Variants in KLRD1 observed in about 807,000 individuals in gnomAD.
KLRD1 encodes natural killer cells antigen CD94.
KLRD1 carries 21 observed loss-of-function variants against 22.6 expected under a neutral mutation model. That is an observed-to-expected ratio of 0.93 (90% CI 0.66 to 1.34). The LOEUF (loss-of-function observed/expected upper bound fraction) is 1.34, where lower values mean the gene tolerates loss of function less well. KLRD1 is among the 40% of genes most tolerant of loss of function. The pLI is 0.00. For synonymous variants in KLRD1, 59 were observed against 71.1 expected (o/e 0.83, Z 0.85); for missense variants, 183 against 208.6 (o/e 0.88, Z 0.76).
intron 1 of KLRD1, among the ~76,000 whole-genome samples, chr12:10,286,661 G>GTTTTTTT (rs1565459881): frequency 2.0e-5 from 1 of 49,338 alleles, no homozygotes. Context: ...CGCTTATGGT[G>GTTTTTTT]CTTTTTTTTT....
chr12:10,273,807 G>A (rs1010050314), intron 1 of KLRD1, among the ~76,000 whole-genome samples: 6 of 151,980 alleles, frequency 3.9e-5, no homozygotes, highest in Admixed American at 6.6e-5. Flanking sequence ...AGAAAAATAC[G>A]TACATTCAAA....
At chr12:10,254,172 T>A (rs1435167811) in intron 1 of KLRD1, among the ~76,000 whole-genome samples, 1 of 152,120 alleles carries the variant, frequency 6.6e-6, no homozygotes, top group Non-Finnish European at 1.5e-5. Flanking sequence ...CTCACGCCTG[T>A]AATCCCAGCA....
intron 1 of KLRD1, among the ~76,000 whole-genome samples, chr12:10,243,010 A>G (rs1949255382): frequency 6.6e-6 from 1 of 152,170 alleles, no homozygotes; most frequent in Admixed American, 6.6e-5. Flanking sequence ...GCATTATGGT[A>G]AGTGAAATAA....
intron 1 of KLRD1, among the ~76,000 whole-genome samples, chr12:10,282,350 G>A (rs1281979254): frequency 2.0e-5 from 3 of 150,890 alleles, no homozygotes; most frequent in East Asian, 2.0e-4. Context: ...TCCGCCTCCC[G>A]GCTTCAAGTG....
chr12:10,319,257 C>T lies in KLRD1; in HGVS notation c.*4464C>T, dbSNP rs1266269707. On this transcript the variant is annotated 3_prime_UTR_variant, in exon 6 of 6. Coordinates refer to ENST00000336164, the MANE Select transcript of KLRD1 (RefSeq NM_002262.5). ...TTCTACTCTCTGCTTTATTCTTTTC[C>T]AGGTCACTTCTTACCAGTTGTAAAT... 1 of 152,150 alleles carries T rather than the reference C, an allele frequency of 6.6e-6. No homozygotes were observed. Among genetic ancestry groups the T allele is most frequent in the Admixed American group, 6.5e-5 (1 of 15,274 alleles). The allele number at this position is 152,150 out of a possible 1,614,324, so 9.4% of individuals were successfully genotyped here.
rs998194500 is a variant in KLRD1, at chr12:10,315,944, C to G, written c.*1151C>G. On this transcript the variant is annotated 3_prime_UTR_variant, in exon 6 of 6. Transcript: ENST00000336164. ...ACCAGCCTGGCCAACATGGTGAAAC[C>G]CTGTCTCTACTAAAAATACAAAAAT... 2.0e-5 allele frequency: 3 copies of G among 151,648 alleles called. No individual in the cohort carries two copies. The highest frequency in any genetic ancestry group is 4.9e-5 in the African/African-American group (2 of 41,218). The allele number at this position is 151,648 out of a possible 1,614,324, so 9.4% of individuals were successfully genotyped here.
intron 1 of KLRD1, among the ~76,000 whole-genome samples, chr12:10,240,384 T>TGA: frequency 6.6e-6 from 1 of 150,970 alleles, no homozygotes; most frequent in African/African-American, 2.4e-5. Context: ...CTACATGCCT[T>TGA]TTTTTTTTCT....
In KLRD1 at chr12:10,250,662, A is replaced by G. The variant is rs557990636; in HGVS notation, c.-101+24429A>G. 1.2e-3 allele frequency among the ~76,000 whole-genome samples: 189 copies of G among 152,086 alleles called. 4 individuals carry two copies. The South Asian group carries it at 0.037, about 30-fold the overall frequency. ...TCCCAAAGTTTTCTGCTTGACCTAG[A>G]TAAAACTTGGGTATTAATTTATCAG... is the stretch of plus-strand genomic sequence containing the variant. On this transcript the variant is annotated intron_variant, in intron 1 of 5. Transcript: ENST00000544747.
chr12:10,282,412 C>G (rs971292631), intron 1 of KLRD1, among the ~76,000 whole-genome samples: 4 of 152,056 alleles, frequency 2.6e-5, no homozygotes, highest in Non-Finnish European at 5.9e-5. Flanking sequence ...CATGCACTAC[C>G]ATGCCCGGCT....
chr12:10,299,955 C>G (rs1949853564), upstream of KLRD1, among the ~76,000 whole-genome samples: 1 of 152,202 alleles, frequency 6.6e-6, no homozygotes, highest in Non-Finnish European at 1.5e-5. Flanking sequence ...CACGTTTTCT[C>G]ACAAGATTGC....
intron 1 of KLRD1, among the ~76,000 whole-genome samples, chr12:10,255,974 C>G (rs1024875882): frequency 1.3e-5 from 2 of 152,044 alleles, no homozygotes; most frequent in Non-Finnish European, 2.9e-5. Flanking sequence ...TCAGTTATGT[C>G]AAAGTTTGTT....
intron 1 of KLRD1, among the ~76,000 whole-genome samples, chr12:10,285,493 C>G (rs1417298126): frequency 6.6e-6 from 1 of 152,154 alleles, no homozygotes; most frequent in African/African-American, 2.4e-5. Context: ...CAAACCATTC[C>G]TTTCTTTAAG....
At chr12:10,277,158 G>A (rs1193700654) in intron 1 of KLRD1, among the ~76,000 whole-genome samples, 2 of 146,602 alleles carry the variant, frequency 1.4e-5, no homozygotes, top group African/African-American at 5.1e-5. Flanking sequence ...TATTCCAAAG[G>A]TAGAGGTGGG....
intron 1 of KLRD1, among the ~76,000 whole-genome samples, chr12:10,296,906 A>G (rs1021297417): frequency 1.5e-4 from 23 of 152,158 alleles, no homozygotes; most frequent in African/African-American, 4.3e-4. Flanking sequence ...TCAGAGAGCA[A>G]TTGGCACTTG....
At chr12:10,309,821 C>T in intron 3 of KLRD1, 133 bp downstream of exon 3, 1 of 647,370 alleles carries the variant, frequency 1.5e-6, no homozygotes, top group Non-Finnish European at 2.8e-6. Context: ...AGGATAGTCT[C>T]ATTTTACATT....
At chr12:10,290,677 T>G (rs1476730508) in intron 1 of KLRD1, among the ~76,000 whole-genome samples, 1 of 152,168 alleles carries the variant, frequency 6.6e-6, no homozygotes, top group East Asian at 1.9e-4. Flanking sequence ...AAATGAAAAT[T>G]GGTAAATAAA....
intron 1 of KLRD1, among the ~76,000 whole-genome samples, chr12:10,254,381 G>A (rs1470893455): frequency 2.2e-5 from 3 of 135,616 alleles, no homozygotes; most frequent in African/African-American, 8.2e-5. Context: ...GCAGTGAGCC[G>A]AGATCGCGCC....
At chr12:10,292,789 C>G (rs1949781877) in intron 1 of KLRD1, among the ~76,000 whole-genome samples, 1 of 152,142 alleles carries the variant, frequency 6.6e-6, no homozygotes, top group South Asian at 2.1e-4. Context: ...TGAAGCAAGA[C>G]ACTGACTTTT....
At position 10,309,309 on chromosome 12, in the gene KLRD1, C is replaced by T. The variant is rs77468054; in HGVS notation, c.8-79C>T. On this transcript the variant is annotated intron_variant, in intron 1 of 5. Transcript: ENST00000336164. ...AAATGAAAGAATGTTGTGGATTCTC[C>T]GTCACTAGTTTCTGCTTTTAAGAAC... The T allele has an allele frequency of 5.2e-3, 3,772 of 725,382 alleles. 85 individuals are homozygous for T. In the African/African-American group the frequency reaches 0.056, roughly 11 times the overall value. The allele number at this position is 725,382 out of a possible 1,614,324, so 44.9% of individuals were successfully genotyped here.
Sources: allele counts gnomAD v4.1 joint callset (sites outside exome capture counted in the v4.1 genomes callset), GRCh38; gene constraint gnomAD v4.1.1; transcripts MANE v1.5; gene names NCBI Gene and HGNC (gene_info 2026-07-23, HGNC 2026-07-21).